RABAC1: variants seen among roughly 807,000 people sequenced by gnomAD.
RABAC1 encodes the protein prenylated Rab acceptor protein 1.
Under a neutral mutation model 22.9 loss-of-function variants are expected in RABAC1, and 16 were observed. That is an observed-to-expected ratio of 0.70 (90% CI 0.47 to 1.06). The LOEUF (loss-of-function observed/expected upper bound fraction) is 1.06, where lower values mean the gene tolerates loss of function less well. Among genes scored for constraint, RABAC1 ranks in the 50% least tolerant of loss-of-function variants. The pLI is 0.00. For synonymous variants in RABAC1, 139 were observed against 107.7 expected (o/e 1.29, Z -1.80); for missense variants, 227 against 246.5 (o/e 0.92, Z 0.53).
At position 41,957,052 on chromosome 19, in the gene RABAC1, C is replaced by T; in HGVS notation, c.435G>A (p.Leu145=). 2.5e-6 allele frequency: 4 copies of T among 1,613,938 alleles called. No homozygotes were observed. Among genetic ancestry groups the T allele is most frequent in the Non-Finnish European group, 3.4e-6 (4 of 1,180,026 alleles). ...AGGISFPFFW[L]AGAGSAVFWV... The stretch of plus-strand genomic sequence containing the variant: ...AGAAGACGGCCGAGCCCGCACCAGC[C>T]AGCCAGAAGAAGGGGAAGGAGATGC... The change falls in exon 4 of 5, where the codon CTG becomes CTA. Residue 145 remains leucine (L), a synonymous_variant. Transcript: ENST00000222008.
At chr19:41,957,265 G>C (rs868947538) in intron 3 of RABAC1, 146 bp from the exon 4 acceptor site, 30 of 661,808 alleles carry the variant, frequency 4.5e-5, no homozygotes, top group Non-Finnish European at 7.7e-5. Flanking sequence ...CAGGTCCTGG[G>C]GTCACCCTGT....
At position 41,958,896 on chromosome 19, in the gene RABAC1, G is replaced by C; in HGVS notation, c.109C>G (p.Arg37Gly). 1 of 1,592,492 alleles carries C rather than the reference G, an allele frequency of 6.3e-7. No individual in the cohort carries two copies. The highest frequency in any genetic ancestry group is 8.5e-7 in the Non-Finnish European group (1 of 1,174,324). ...CAGGGCCGGATGGTCGCGCGGCGCC[G>C]CTCCAGCCACTCCCGGCCTGCACCG... The part of the protein sequence containing the change: ...PSGAGREWLE[R>G]RRATIRPWST... The change falls in exon 2 of 5, where the codon CGG becomes GGG. Residue 37 changes from arginine (R) to glycine (G), a missense_variant. Coordinates refer to ENST00000222008, the MANE Select transcript of RABAC1 (RefSeq NM_006423.3).
At position 41,958,880 on chromosome 19, in the gene RABAC1, A is replaced by G. The variant is rs782167545; in HGVS notation, c.125T>C (p.Ile42Thr). 1 of 1,601,100 alleles carries G rather than the reference A, an allele frequency of 6.2e-7. No individual in the cohort carries two copies. The highest frequency in any genetic ancestry group is 1.1e-5 in the South Asian group (1 of 90,442). The stretch of plus-strand genomic sequence containing the variant: ...GTCCACGAAGGTGCTCCAGGGCCGG[A>G]TGGTCGCGCGGCGCCGCTCCAGCCA... ...REWLERRRAT[I>T]RPWSTFVDQQ... The change falls in exon 2 of 5, where the codon ATC becomes ACC. Residue 42 changes from isoleucine (I) to threonine (T), a missense_variant. Transcript: ENST00000222008.
At chr19:41,958,496 G>T in intron 2 of RABAC1, 113 bp from the exon 3 acceptor site, 2 of 1,080,598 alleles carry the variant, frequency 1.9e-6, no homozygotes, top group South Asian at 1.4e-5. Context: ...ACCAGGGAGG[G>T]CCAGGTGACA....
intron 1 of RABAC1, 104 bp downstream of exon 1, chr19:41,959,133 G>T: frequency 6.6e-7 from 1 of 1,506,080 alleles, no homozygotes; most frequent in Non-Finnish European, 9.0e-7. Flanking sequence ...ACACTTCTGC[G>T]GCTCGGGGCT....
chr19:41,958,970 C>T, intron 1 of RABAC1, 22 bp from the exon 2 acceptor site: 1 of 1,540,582 alleles, frequency 6.5e-7, no homozygotes, highest in South Asian at 1.2e-5. Context: ...GGGGCCGGGT[C>T]AGTGGTGGAC....
Position 41,957,475 on chromosome 19 carries a change from G to A in RABAC1, c.368-356C>T, listed in dbSNP as rs956201670. On this transcript the variant is annotated intron_variant, in intron 3 of 4. Transcript: ENST00000222008. ...GTGGCCCAAGGGCCAAATCTGACCT[G>A]TGGATGTGTTTTTTGAGCTGTTTTG... 17 of 252,428 alleles carry A rather than the reference G, an allele frequency of 6.7e-5. No homozygotes were observed. In the East Asian group the frequency reaches 1.2e-3, roughly 18 times the overall value. 15.6% of individuals were successfully genotyped at this position (252,428 alleles called of 1,614,324 possible). A position where few individuals can be genotyped will look rare whatever the true frequency, so the allele number is the denominator to read the frequency against.
chr19:41,957,351 G>GCCCTCTT (rs2074994831), intron 3 of RABAC1: 1 of 540,100 alleles, frequency 1.9e-6, no homozygotes, highest in Admixed American at 3.3e-5. Context: ...TCTGCCCTCT[G>GCCCTCTT]CCCCACATCC....
chr19:41,959,099 T>C (rs2075003933), intron 1 of RABAC1, 138 bp downstream of exon 1: 4 of 1,356,102 alleles, frequency 2.9e-6, no homozygotes, highest in Non-Finnish European at 4.0e-6. Flanking sequence ...GACTCCAGGG[T>C]CCCATTAGAG....
Position 41,958,907 on chromosome 19 carries a change from T to C in RABAC1, c.98A>G (p.Glu33Gly), listed in dbSNP as rs781820084. 51 of 1,594,602 alleles carry C rather than the reference T, an allele frequency of 3.2e-5. No homozygotes were observed. Among genetic ancestry groups the C allele is most frequent in the Non-Finnish European group, 4.3e-5 (51 of 1,174,640 alleles). The part of the protein sequence containing the change: ...PKLIPSGAGR[E>G]WLERRRATIR... ...GGTCGCGCGGCGCCGCTCCAGCCAC[T>C]CCCGGCCTGCACCGGAGGGAATCAG... Residue 33 changes from glutamate (E) to glycine (G), a missense_variant, in exon 2 of 5, where the codon GAG becomes GGG. Coordinates refer to ENST00000222008, the MANE Select transcript of RABAC1 (RefSeq NM_006423.3).
In RABAC1 at chr19:41,958,894, C is replaced by G; in HGVS notation, c.111G>C (p.Arg37=). 1 of 1,593,802 alleles carries G rather than the reference C, an allele frequency of 6.3e-7. No individual in the cohort carries two copies. Among genetic ancestry groups the G allele is most frequent in the Non-Finnish European group, 8.5e-7 (1 of 1,174,754 alleles). ...PSGAGREWLE[R]RRATIRPWST... Reference sequence around the variant, plus strand: ...TCCAGGGCCGGATGGTCGCGCGGCGCCGCTCCAGCCACTCCCGGCCTGCAC... The same window carrying G: ...TCCAGGGCCGGATGGTCGCGCGGCGGCGCTCCAGCCACTCCCGGCCTGCAC... Residue 37 remains arginine (R), a synonymous_variant, in exon 2 of 5, where the codon CGG becomes CGC. Coordinates refer to ENST00000222008, the MANE Select transcript of RABAC1 (RefSeq NM_006423.3).
At chr19:41,958,461 G>A in intron 2 of RABAC1, 78 bp from the exon 3 acceptor site, 2 of 1,384,886 alleles carry the variant, frequency 1.4e-6, no homozygotes, top group Middle Eastern at 1.9e-4. Flanking sequence ...TTCTCCACCG[G>A]CGGGCGGCAA....
rs145125278 is a variant in RABAC1 at position 41,957,827 on chromosome 19, A to C, written c.367+459T>G. ...GGTCCTTGGTACTACTAGTCTGGGA[A>C]CCACATGAAACATACTCCTCGGCTT... On this transcript the variant is annotated intron_variant, in intron 3 of 4. Coordinates refer to ENST00000222008, the MANE Select transcript of RABAC1 (RefSeq NM_006423.3). The C allele has an allele frequency of 8.0e-3, 1,336 of 166,274 alleles. 14 individuals are homozygous for C. Among genetic ancestry groups the C allele is most frequent in the South Asian group, 0.044 (329 of 7,544 alleles). The allele number at this position is 166,274 out of a possible 1,614,324, so 10.3% of individuals were successfully genotyped here.
At chr19:41,957,531 A>G in intron 3 of RABAC1, 1 of 175,698 alleles carries the variant, frequency 5.7e-6, no homozygotes, top group Non-Finnish European at 1.2e-5. Context: ...GGCAAAGTGA[A>G]CGATTTCACA....
intron 2 of RABAC1, 98 bp downstream of exon 2, chr19:41,958,635 TGAG>T (rs1210482711): frequency 1.6e-5 from 21 of 1,286,884 alleles, no homozygotes; most frequent in Non-Finnish European, 2.2e-5. Flanking sequence ...CCCTGGGCGG[TGAG>T]AGGAGGGACC....
chr19:41,958,999 C>A, intron 1 of RABAC1, 51 bp from the exon 2 acceptor site: 2 of 1,494,052 alleles, frequency 1.3e-6, no homozygotes, highest in South Asian at 2.5e-5. Context: ...AGCCCCAGAC[C>A]CCCGCAAAAG....
In RABAC1 at chr19:41,956,891, C is replaced by A. The variant is rs1555856751; in HGVS notation, c.513G>T (p.Gln171His). The change falls in exon 5 of 5, where the codon CAG becomes CAT. Residue 171 changes from glutamine to histidine, a missense_variant. By Grantham distance (24) the Gln-to-His change is conservative. Transcript: ENST00000222008. The stretch of plus-strand genomic sequence containing the variant: ...GCTCCTCCCCGTCCACAGCCTCAAT[C>A]TGGTGGAAGGCAGCGTGGGAGCCGA... The part of the protein sequence containing the change: ...VVIGSHAAFH[Q>H]IEAVDGEELQ... 1.2e-6 allele frequency: 2 copies of A among 1,612,746 alleles called. No homozygotes were observed. The highest frequency in any genetic ancestry group is 3.3e-5 in the Admixed American group (2 of 59,984).
At position 41,958,034 on chromosome 19, in the gene RABAC1, G is replaced by C. The variant is rs552029121; in HGVS notation, c.367+252C>G. 22 of 453,940 alleles carry C rather than the reference G, an allele frequency of 4.8e-5. No individual in the cohort carries two copies. In the East Asian group the frequency reaches 9.2e-4, roughly 19 times the overall value. The allele number at this position is 453,940 out of a possible 1,614,324, so 28.1% of individuals were successfully genotyped here. ...GGGAGGAGTCATGTGGTTTGAAAAG[G>C]AGTAGGTTTAAGGCACAGCAGCCAG... On this transcript the variant is annotated intron_variant, in intron 3 of 4. Coordinates refer to ENST00000222008, the MANE Select transcript of RABAC1 (RefSeq NM_006423.3).
In RABAC1 at chr19:41,956,830, G is replaced by A. The variant is rs782574706; in HGVS notation, c.*16C>T. The A allele has an allele frequency of 4.6e-5, 74 of 1,596,642 alleles. No individual in the cohort carries two copies. The highest frequency in any genetic ancestry group is 6.1e-5 in the Non-Finnish European group (71 of 1,169,338). ...GGGCAGCTGGCCCGGGAGGCCGGCA[G>A]GTCCCAGAAGACACCTCACACGGGT... On this transcript the variant is annotated 3_prime_UTR_variant, in exon 5 of 5. Coordinates refer to ENST00000222008, the MANE Select transcript of RABAC1 (RefSeq NM_006423.3).
Sources: allele counts gnomAD v4.1 joint callset, GRCh38; gene constraint gnomAD v4.1.1; transcripts MANE v1.5; gene names NCBI Gene and HGNC (gene_info 2026-07-23, HGNC 2026-07-21).